MYO1D: variants seen among roughly 807,000 people sequenced by gnomAD.
The protein encoded by MYO1D is myosin ID.
MYO1D carries 83 observed loss-of-function variants against 122.0 expected under a neutral mutation model. That is an observed-to-expected ratio of 0.68 (90% confidence interval 0.57 to 0.82). The LOEUF (loss-of-function observed/expected upper bound fraction) is 0.82, where lower values mean the gene tolerates loss of function less well. MYO1D is among the 40% of genes least tolerant of loss of function. The probability of loss-of-function intolerance (pLI) is 0.00; values close to 1 mark genes in which losing one functional copy is unlikely to be tolerated. For missense variants in MYO1D, 1,157 were observed against 1,269.5 expected (o/e 0.91, Z 1.35); for synonymous variants, 464 against 446.9 (o/e 1.04, Z -0.48).
intron 1 of MYO1D, among the ~76,000 whole-genome samples, chr17:32,803,186 G>A (rs781456799): frequency 1.3e-5 from 2 of 151,738 alleles, no homozygotes; most frequent in African/African-American, 4.8e-5. Flanking sequence ...TTACTCTGTC[G>A]CCCAGGCTTG....
At chr17:32,517,101 A>C (rs1205116090) in intron 21 of MYO1D, among the ~76,000 whole-genome samples, 1 of 152,246 alleles carries the variant, frequency 6.6e-6, no homozygotes, top group Non-Finnish European at 1.5e-5. Context: ...GGGACCTTGA[A>C]TTACTGGCCC....
intron 21 of MYO1D, among the ~76,000 whole-genome samples, chr17:32,500,338 G>A (rs1909275095): frequency 6.6e-6 from 1 of 152,222 alleles, no homozygotes; most frequent in African/African-American, 2.4e-5. Flanking sequence ...AGCCTCCTGG[G>A]ATGGAGACTC....
intron 16 of MYO1D, among the ~76,000 whole-genome samples, chr17:32,667,963 C>T (rs1784974362): frequency 6.6e-6 from 1 of 152,162 alleles, no homozygotes; most frequent in African/African-American, 2.4e-5. Context: ...AATATCAACA[C>T]TATTGAAACC....
intron 20 of MYO1D, among the ~76,000 whole-genome samples, chr17:32,615,227 C>T (rs1481340792): frequency 2.6e-5 from 4 of 152,154 alleles, no homozygotes; most frequent in Non-Finnish European, 5.9e-5. Flanking sequence ...TGGAAAGGTT[C>T]TGAGAGACTG....
chr17:32,567,594 T>C (rs1309613341), intron 21 of MYO1D, among the ~76,000 whole-genome samples: 3 of 152,232 alleles, frequency 2.0e-5, no homozygotes, highest in African/African-American at 7.2e-5. Flanking sequence ...TTGTACTCTT[T>C]CTCTGCCCTG....
intron 1 of MYO1D, among the ~76,000 whole-genome samples, chr17:32,823,318 G>A (rs115432102): frequency 0.014 from 2,206 of 152,194 alleles, 42 homozygotes; most frequent in African/African-American, 0.048. Context: ...ATGACACTAC[G>A]CAGCTACAAG....
At chr17:32,566,761 A>G (rs1394759501) in intron 21 of MYO1D, among the ~76,000 whole-genome samples, 1 of 145,228 alleles carries the variant, frequency 6.9e-6, no homozygotes, top group Non-Finnish European at 1.5e-5. Flanking sequence ...ATCTGTTTGA[A>G]GCCTCAAACA....
intron 20 of MYO1D, among the ~76,000 whole-genome samples, chr17:32,628,892 T>C (rs993501300): frequency 6.6e-6 from 1 of 152,234 alleles, no homozygotes. Flanking sequence ...ATTTATTCAA[T>C]AGATTTAAAA....
intron 16 of MYO1D, among the ~76,000 whole-genome samples, chr17:32,710,944 A>T (rs968809913): frequency 6.6e-6 from 1 of 152,188 alleles, no homozygotes; most frequent in Non-Finnish European, 1.5e-5. Flanking sequence ...GCACATAGTA[A>T]CCCTCATATA....
At chr17:32,578,468 A>C (rs1172187869) in intron 21 of MYO1D, among the ~76,000 whole-genome samples, 1 of 152,238 alleles carries the variant, frequency 6.6e-6, no homozygotes, top group Non-Finnish European at 1.5e-5. Context: ...ACATACCCAC[A>C]GTTAGATTTT....
intron 1 of MYO1D, among the ~76,000 whole-genome samples, chr17:32,849,981 T>C (rs1354041307): frequency 1.3e-5 from 2 of 152,052 alleles, no homozygotes; most frequent in East Asian, 3.8e-4. Flanking sequence ...GAGCTTCTTT[T>C]AGAAACTCTC....
At chr17:32,571,021 G>C (rs1332125266) in intron 21 of MYO1D, among the ~76,000 whole-genome samples, 1 of 152,132 alleles carries the variant, frequency 6.6e-6, no homozygotes, top group Non-Finnish European at 1.5e-5. Context: ...TGGAGGGGGA[G>C]TGCTGGGCAA....
chr17:32,561,647 G>A (rs192095358), intron 21 of MYO1D, among the ~76,000 whole-genome samples: 1,467 of 140,826 alleles, frequency 0.01, 21 homozygotes, highest in African/African-American at 0.037. Flanking sequence ...CCGAGATCCC[G>A]CCACTGCACT....
At chr17:32,798,387 C>A (rs1220833174) in intron 1 of MYO1D, among the ~76,000 whole-genome samples, 1 of 152,168 alleles carries the variant, frequency 6.6e-6, no homozygotes, top group Non-Finnish European at 1.5e-5. Context: ...CTTCCTATAT[C>A]TGGCATTTTC....
At chr17:32,722,339 G>T (rs371457289) in intron 14 of MYO1D, among the ~76,000 whole-genome samples, 8 of 152,290 alleles carry the variant, frequency 5.3e-5, no homozygotes, top group African/African-American at 1.9e-4. Flanking sequence ...GAGGTCAGAA[G>T]TCTGAAATAG....
chr17:32,689,660 T>C (rs1421298011), intron 16 of MYO1D, among the ~76,000 whole-genome samples: 17 of 152,222 alleles, frequency 1.1e-4, no homozygotes, highest in Non-Finnish European at 2.9e-5. Context: ...CACTTAACAT[T>C]TATGAAGAAC....
chr17:32,832,302 T>C (rs987240291), intron 1 of MYO1D, among the ~76,000 whole-genome samples: 6 of 151,034 alleles, frequency 4.0e-5, no homozygotes, highest in Non-Finnish European at 5.9e-5. Context: ...TCTTTTTTTT[T>C]TTTTTGTATT....
intron 14 of MYO1D, among the ~76,000 whole-genome samples, chr17:32,734,089 C>T (rs1174588008): frequency 1.3e-5 from 2 of 152,166 alleles, no homozygotes; most frequent in Non-Finnish European, 2.9e-5. Flanking sequence ...ATTAATGGCT[C>T]CACAAAGGTT....
intron 19 of MYO1D, among the ~76,000 whole-genome samples, chr17:32,652,918 G>C (rs572147166): frequency 3.3e-5 from 5 of 152,158 alleles, no homozygotes; most frequent in Non-Finnish European, 5.9e-5. Flanking sequence ...GAGGCGGGCG[G>C]ATCACGAGGT....
Sources: gnomAD v4.1 joint callset for allele counts (sites outside exome capture counted in the v4.1 genomes callset) on GRCh38, gnomAD v4.1.1 for gene constraint, MANE v1.5 for transcripts, NCBI Gene and HGNC (gene_info 2026-07-23, HGNC 2026-07-21) for gene names.